ZSWIM8: variants seen among roughly 807,000 people sequenced by gnomAD.
ZSWIM8 encodes the protein zinc finger SWIM domain-containing protein 8.
A neutral mutation model predicts 173.7 loss-of-function variants in ZSWIM8; 27 were observed. The observed-to-expected ratio is 0.16, with a 90% CI of 0.11 to 0.21. ZSWIM8 has a LOEUF of 0.21. ZSWIM8 is among the 10% of genes least tolerant of loss of function. The pLI, the probability that ZSWIM8 is intolerant of heterozygous loss-of-function variation, is 1.00. For missense variants in ZSWIM8, 1,627 were observed against 2,428.8 expected, an observed-to-expected ratio of 0.67 and a Z score of 6.94; for synonymous variants, 958 against 962.0, an observed-to-expected ratio of 1.00 and a Z score of 0.08.
In ZSWIM8 at chr10:73,801,756, T is replaced by C. The variant is rs956385001; in HGVS notation, c.*237T>C. On this transcript the variant is annotated 3_prime_UTR_variant, in exon 26 of 26. Transcript: ENST00000604729. This position sits in a 1 kb window ranked among gnomAD's most constrained non-coding sequence, Gnocchi z 4.9. ...GCGTTGGGTGGCCTCTGGTATTTAT[T>C]TGGCATTTATAAATATATAAACTCC... is the stretch of plus-strand genomic sequence containing the variant. 1 of 1,503,700 alleles carries C rather than the reference T, an allele frequency of 6.7e-7. No individual in the cohort carries two copies. The highest frequency in any genetic ancestry group is 8.8e-7 in the Non-Finnish European group (1 of 1,130,252). The allele number at this position is 1,503,700 out of a possible 1,614,324, so 93.1% of individuals were successfully genotyped here.
intron 19 of ZSWIM8, 78 bp from the exon 20 acceptor site, chr10:73,798,152 C>A: frequency 1.3e-6 from 2 of 1,592,470 alleles, no homozygotes; most frequent in South Asian, 1.1e-5. Context: ...GGTTACTGAT[C>A]TGATAAAAAG....
chr10:73,791,715 A>G lies in ZSWIM8; in HGVS notation c.1320-144A>G. The G allele has an allele frequency of 1.6e-6, 2 of 1,271,412 alleles. No homozygotes were observed. Among genetic ancestry groups the G allele is most frequent in the Non-Finnish European group, 2.1e-6 (2 of 951,430 alleles). The allele number at this position is 1,271,412 out of a possible 1,614,324, so 78.8% of individuals were successfully genotyped here. On this transcript the variant is annotated intron_variant, in intron 9 of 25. Transcript: ENST00000604729. The surrounding 1 kb of genome is among the most constrained non-coding windows in gnomAD (Gnocchi z 6.0). ...TAACACCCACTTTTCAAAATTCTCC[A>G]GTGTTTCAGTGATGCTTATGGGGCT... is the stretch of plus-strand genomic sequence containing the variant.
In ZSWIM8 at chr10:73,791,567, C is replaced by G. The variant is rs534788642; in HGVS notation, c.1319+68C>G. ...AGCTCAGGACAGACTGAGCCTTCATCTCCTTGTTTGCAGAGACATACCATG... is the reference window on the plus strand; with the variant it reads ...AGCTCAGGACAGACTGAGCCTTCATGTCCTTGTTTGCAGAGACATACCATG... On this transcript the variant is annotated intron_variant, in intron 9 of 25. Coordinates refer to ENST00000604729, the MANE Select transcript of ZSWIM8 (RefSeq NM_001367799.1). This position sits in a 1 kb window ranked among gnomAD's most constrained non-coding sequence, Gnocchi z 6.0. The G allele has an allele frequency of 6.9e-7, 1 of 1,451,450 alleles. No homozygotes were observed. The highest frequency in any genetic ancestry group is 1.4e-5 in the South Asian group (1 of 71,164). The allele number at this position is 1,451,450 out of a possible 1,614,324, so 89.9% of individuals were successfully genotyped here.
In ZSWIM8 at chr10:73,789,046, G is replaced by A. The variant is rs763696070; in HGVS notation, c.363-50G>A. Reference sequence around the variant, plus strand: ...GGCATTGTGGTCTCTGACAGGGTCTGCCAAAGGTTATTTGCTGAGTTGTGG... The same window carrying A: ...GGCATTGTGGTCTCTGACAGGGTCTACCAAAGGTTATTTGCTGAGTTGTGG... On this transcript the variant is annotated intron_variant, in intron 2 of 25. Transcript: ENST00000604729. The surrounding 1 kb of genome is among the most constrained non-coding windows in gnomAD (Gnocchi z 6.8). 15 of 1,595,552 alleles carry A rather than the reference G, an allele frequency of 9.4e-6. No individual in the cohort carries two copies. Among genetic ancestry groups the A allele is most frequent in the Middle Eastern group, 3.3e-4 (2 of 6,010 alleles).
In ZSWIM8 at chr10:73,789,815, C is replaced by A; in HGVS notation, c.729C>A (p.Leu243=). 2.5e-6 allele frequency: 4 copies of A among 1,606,466 alleles called. No homozygotes were observed. The highest frequency in any genetic ancestry group is 3.4e-6 in the Non-Finnish European group (4 of 1,176,512). The change falls in exon 5 of 26, where the codon CTC becomes CTA. Residue 243 remains leucine (L), a synonymous_variant. Coordinates refer to ENST00000604729, the MANE Select transcript of ZSWIM8 (RefSeq NM_001367799.1). The surrounding 1 kb of genome is among the most constrained non-coding windows in gnomAD (Gnocchi z 6.8). ...TTGCTCAGTACCTCATCAGTGAGCT[C>A]CCTCAGCAGGTGGGTGAGGTCGGCA... ...QKFAQYLISE[L]PQQILPTAQR... is the part of the protein sequence containing the mutation.
intron 14 of ZSWIM8, 141 bp from the exon 15 acceptor site, chr10:73,795,398 A>C: frequency 2.3e-6 from 3 of 1,316,230 alleles, no homozygotes; most frequent in Non-Finnish European, 2.1e-6. Context: ...ATAGTCAACG[A>C]AGACTTCTAT....
chr10:73,799,678 C>T, intron 21 of ZSWIM8, 188 bp downstream of exon 21: 1 of 832,622 alleles, frequency 1.2e-6, no homozygotes, highest in Non-Finnish European at 1.9e-6. Flanking sequence ...TGCCTGTAAT[C>T]CCAGCACTTT....
Position 73,789,586 on chromosome 10 carries a change from C to T in ZSWIM8, c.630+47C>T. 3 of 1,592,132 alleles carry T rather than the reference C, an allele frequency of 1.9e-6. No homozygotes were observed. Among genetic ancestry groups the T allele is most frequent in the Non-Finnish European group, 2.6e-6 (3 of 1,169,338 alleles). Reference sequence around the variant, plus strand: ...CCGGCCCTATCCTACACTCCATCCCCCCCTTCTCTGCTGCATGCCTGGCTA... The same window carrying T: ...CCGGCCCTATCCTACACTCCATCCCTCCCTTCTCTGCTGCATGCCTGGCTA... On this transcript the variant is annotated intron_variant, in intron 4 of 25. Transcript: ENST00000604729. The surrounding 1 kb of genome is among the most constrained non-coding windows in gnomAD (Gnocchi z 6.8).
Position 73,795,650 on chromosome 10 carries a change from C to T in ZSWIM8, c.3020C>T (p.Ala1007Val), listed in dbSNP as rs971781158. ...ATGATCACTTACAAGGACGACCAGG[C>T]CAAGCTTAAGAAGGTAAGAGACTGG... ...ALMITYKDDQ[A>V]KLKKILDKLL... is the part of the protein sequence containing the mutation. The change falls in exon 15 of 26, where the codon GCC (alanine) becomes GTC (valine). Residue 1007 changes from alanine (A) to valine (V), a missense_variant. Ala to Val is a moderately conservative substitution (Grantham distance 64). Transcript: ENST00000604729. 2 of 1,612,908 alleles carry T rather than the reference C, an allele frequency of 1.2e-6. No individual in the cohort carries two copies. Among genetic ancestry groups the T allele is most frequent in the African/African-American group, 1.3e-5 (1 of 74,892 alleles).
intron 1 of ZSWIM8, among the ~76,000 whole-genome samples, chr10:73,787,030 G>A (rs2083252930): frequency 6.7e-6 from 1 of 149,356 alleles, no homozygotes; most frequent in South Asian, 2.1e-4. Context: ...CGCAACCTCC[G>A]CCTCCCCAGT....
Position 73,792,481 on chromosome 10 carries a change from C to T in ZSWIM8, c.1942C>T (p.Pro648Ser), listed in dbSNP as rs1317907965. 2 of 1,612,074 alleles carry T rather than the reference C, an allele frequency of 1.2e-6. No homozygotes were observed. The highest frequency in any genetic ancestry group is 1.7e-5 in the Admixed American group (1 of 59,648). ...GGFPESPPPC[P>S]LHGGSRGPST... Reference sequence around the variant, plus strand: ...ATTCCCTGAGAGCCCTCCACCCTGTCCTCTCCACGGTGGCTCCCGAGGCCC... The same window carrying T: ...ATTCCCTGAGAGCCCTCCACCCTGTTCTCTCCACGGTGGCTCCCGAGGCCC... Residue 648 changes from proline to serine, a missense_variant, in exon 10 of 26, where the codon CCT (proline) becomes TCT (serine). Around this residue, in one of 18 missense-constraint regions of ZSWIM8, gnomAD observed 383 missense variants for 394.8 expected, o/e 0.97. Coordinates refer to ENST00000604729, the MANE Select transcript of ZSWIM8 (RefSeq NM_001367799.1). The surrounding 1 kb of genome is among the most constrained non-coding windows in gnomAD (Gnocchi z 4.3).
At position 73,801,250 on chromosome 10, in the gene ZSWIM8, C is replaced by A. The variant is rs1478582675; in HGVS notation, c.5301+55C>A. ...GAGCACTTCCTGGGTGGTCTTGGAC[C>A]AGAGGGAGGCAGGGCCTGTTTCTGT... On this transcript the variant is annotated intron_variant, in intron 25 of 25. Transcript: ENST00000604729. The surrounding 1 kb of genome is among the most constrained non-coding windows in gnomAD (Gnocchi z 4.9). The A allele has an allele frequency of 3.4e-5, 55 of 1,602,978 alleles. No homozygotes were observed. Among genetic ancestry groups the A allele is most frequent in the Non-Finnish European group, 4.3e-5 (51 of 1,172,802 alleles).
Position 73,792,602 on chromosome 10 carries a change from C to T in ZSWIM8, c.2063C>T (p.Pro688Leu). The T allele has an allele frequency of 6.2e-7, 1 of 1,614,022 alleles. No homozygotes were observed. ...GPEPPTASVGPPGLLPGDVCT... is the reference protein window; with the variant it reads ...GPEPPTASVGLPGLLPGDVCT... ...GAGCCTCCCACAGCCTCTGTTGGCCCCCCTGGCCTACTGCCTGGGGATGTC... is the reference window on the plus strand; with the variant it reads ...GAGCCTCCCACAGCCTCTGTTGGCCTCCCTGGCCTACTGCCTGGGGATGTC... Residue 688 changes from proline (P) to leucine (L), a missense_variant, in exon 10 of 26, where the codon CCC becomes CTC. Coordinates refer to ENST00000604729, the MANE Select transcript of ZSWIM8 (RefSeq NM_001367799.1). This position sits in a 1 kb window ranked among gnomAD's most constrained non-coding sequence, Gnocchi z 4.3.
intron 1 of ZSWIM8, chr10:73,786,553 T>C (rs1188190119): frequency 6.4e-6 from 1 of 156,220 alleles, no homozygotes; most frequent in Non-Finnish European, 1.4e-5. Flanking sequence ...TGACCACTTG[T>C]GGCTTGTCAC....
At position 73,791,840 on chromosome 10, in the gene ZSWIM8, C is replaced by A; in HGVS notation, c.1320-19C>A. On this transcript the variant is annotated intron_variant, in intron 9 of 25. Transcript: ENST00000604729. The surrounding 1 kb of genome is among the most constrained non-coding windows in gnomAD (Gnocchi z 6.0). ...TTCCCAGTAGCCCCTCAGCAGCCTC[C>A]TGCCCCTTGTTCCCACAGGCGCCGG... 2 of 1,494,620 alleles carry A rather than the reference C, an allele frequency of 1.3e-6. No individual in the cohort carries two copies. Among genetic ancestry groups the A allele is most frequent in the Non-Finnish European group, 1.8e-6 (2 of 1,113,166 alleles). The allele number at this position is 1,494,620 out of a possible 1,614,324, so 92.6% of individuals were successfully genotyped here.
chr10:73,801,121 G>A lies in ZSWIM8; in HGVS notation c.5227G>A (p.Ala1743Thr), dbSNP rs199673176. The A allele has an allele frequency of 4.6e-4, 723 of 1,584,774 alleles. 2 individuals are homozygous for A. The highest frequency in any genetic ancestry group is 5.7e-4 in the Non-Finnish European group (666 of 1,166,468). ...GGAGACGCTGCAGCGGCTGAGTCCC[G>A]CTCATGCCCACAACCACCTGCGTGC... ...VMETLQRLSP[A>T]HAHNHLRAPA... Residue 1743 changes from alanine (A) to threonine (T), a missense_variant, in exon 25 of 26, where the codon GCT becomes ACT. By Grantham distance (58) the Ala-to-Thr change is moderately conservative. Coordinates refer to ENST00000604729, the MANE Select transcript of ZSWIM8 (RefSeq NM_001367799.1). The surrounding 1 kb of genome is among the most constrained non-coding windows in gnomAD (Gnocchi z 4.9).
chr10:73,790,464 G>T (rs375382913), intron 7 of ZSWIM8, among the ~76,000 whole-genome samples, 172 bp downstream of exon 7: 1 of 152,200 alleles, frequency 6.6e-6, no homozygotes, highest in Non-Finnish European at 1.5e-5. Context: ...TGATGACCTT[G>T]TACAGTCACA....
chr10:73,796,728 G>A, intron 15 of ZSWIM8, 46 bp from the exon 16 acceptor site: 1 of 1,603,058 alleles, frequency 6.2e-7, no homozygotes, highest in Non-Finnish European at 8.5e-7. Flanking sequence ...GAGCTAAAGG[G>A]CATCCTGTCA....
rs1350108785 is a variant in ZSWIM8, at chr10:73,789,800, C to T, written c.714C>T (p.Tyr238=). 1 of 1,609,208 alleles carries T rather than the reference C, an allele frequency of 6.2e-7. No individual in the cohort carries two copies. The highest frequency in any genetic ancestry group is 8.5e-7 in the Non-Finnish European group (1 of 1,177,886). Residue 238 remains tyrosine (Y), a synonymous_variant, in exon 5 of 26, where the codon TAC becomes TAT. Coordinates refer to ENST00000604729, the MANE Select transcript of ZSWIM8 (RefSeq NM_001367799.1). This position sits in a 1 kb window ranked among gnomAD's most constrained non-coding sequence, Gnocchi z 6.8. ...QRDQLQKFAQ[Y]LISELPQQIL... is the part of the protein sequence containing the mutation. Reference sequence around the variant, plus strand: ...ACCAGCTGCAAAAGTTTGCTCAGTACCTCATCAGTGAGCTCCCTCAGCAGG... The same window carrying T: ...ACCAGCTGCAAAAGTTTGCTCAGTATCTCATCAGTGAGCTCCCTCAGCAGG...
Sources: allele counts gnomAD v4.1 joint callset (sites outside exome capture counted in the v4.1 genomes callset), GRCh38; gene constraint gnomAD v4.1.1; regional missense constraint gnomAD v4.1.1; non-coding constraint Gnocchi (gnomAD v3.1); transcripts MANE v1.5; gene names NCBI Gene and HGNC (gene_info 2026-07-23, HGNC 2026-07-21).